CNTN5: variants seen among roughly 807,000 people sequenced by gnomAD.
CNTN5 encodes contactin-5.
Under a neutral mutation model 129.1 loss-of-function variants are expected in CNTN5, and 77 were observed. The ratio of observed to expected loss-of-function variants is 0.60; its 90% confidence interval spans 0.50 to 0.72. The LOEUF (loss-of-function observed/expected upper bound fraction) is 0.72. Among genes scored for constraint, CNTN5 ranks in the 30% least tolerant of loss-of-function variants. The probability of loss-of-function intolerance (pLI) is 0.00; values close to 1 mark genes in which losing one functional copy is unlikely to be tolerated. For synonymous variants in CNTN5, 509 were observed against 465.6 expected (o/e 1.09, Z -1.20); for missense variants, 1,478 against 1,328.8 (o/e 1.11, Z -1.75).
At chr11:99,641,727 A>T (rs1414135624) in intron 3 of CNTN5, among the ~76,000 whole-genome samples, 1 of 152,192 alleles carries the variant, frequency 6.6e-6, no homozygotes, top group East Asian at 1.9e-4. Flanking sequence ...GAGAGGTGGA[A>T]CCAAACCTCA....
At chr11:99,247,181 A>G (rs1350109833) in intron 1 of CNTN5, among the ~76,000 whole-genome samples, 1 of 152,118 alleles carries the variant, frequency 6.6e-6, no homozygotes, top group Non-Finnish European at 1.5e-5. Flanking sequence ...TATTACAATG[A>G]ATGTTAAGAG....
intron 13 of CNTN5, among the ~76,000 whole-genome samples, chr11:100,075,097 G>C (rs1223274275): frequency 1.3e-5 from 2 of 152,034 alleles, no homozygotes; most frequent in African/African-American, 4.8e-5. Flanking sequence ...TTTTATGTTT[G>C]TCCCAATCTA....
intron 2 of CNTN5, among the ~76,000 whole-genome samples, chr11:99,481,673 C>T (rs543934507): frequency 6.6e-6 from 1 of 152,212 alleles, no homozygotes; most frequent in Admixed American, 6.5e-5. Flanking sequence ...TCAAGCTCCC[C>T]CGTGATTTCC....
rs1953523010 is a variant in CNTN5, at chr11:99,680,909, A to T, written c.55+124640A>T. 2.0e-5 allele frequency among the ~76,000 whole-genome samples: 3 copies of T among 152,100 alleles called. No individual in the cohort carries two copies. In the South Asian group the frequency reaches 6.2e-4, roughly 32 times the overall value. ...TTTTGATAAGGATTCACCACTCTAGATGCCATTAAGAACATTCAAGATTCA... is the reference window on the plus strand; with the variant it reads ...TTTTGATAAGGATTCACCACTCTAGTTGCCATTAAGAACATTCAAGATTCA... On this transcript the variant is annotated intron_variant, in intron 3 of 24. Transcript: ENST00000524871.
chr11:99,274,060 C>T (rs1173815641), intron 1 of CNTN5, among the ~76,000 whole-genome samples: 1 of 151,722 alleles, frequency 6.6e-6, no homozygotes, highest in Non-Finnish European at 1.5e-5. Context: ...ACTAACCATA[C>T]TTCAAGTGCT....
chr11:100,144,438 C>T (rs1004014356), intron 13 of CNTN5, among the ~76,000 whole-genome samples: 1 of 152,102 alleles, frequency 6.6e-6, no homozygotes, highest in Non-Finnish European at 1.5e-5. Context: ...TGTGTACCCA[C>T]TCTTTTGCTC....
intron 1 of CNTN5, among the ~76,000 whole-genome samples, chr11:99,142,392 G>A (rs1859565503): frequency 6.6e-6 from 1 of 152,118 alleles, no homozygotes; most frequent in African/African-American, 2.4e-5. Context: ...AGCAGCAGGG[G>A]GAATCTGCAG....
chr11:99,535,290 G>T (rs1009995547), intron 2 of CNTN5, among the ~76,000 whole-genome samples: 1 of 152,158 alleles, frequency 6.6e-6, no homozygotes, highest in African/African-American at 2.4e-5. Context: ...TGGAATGATG[G>T]ACTAATACAT....
At chr11:99,903,771 T>G (rs562502314) in intron 6 of CNTN5, among the ~76,000 whole-genome samples, 1 of 152,216 alleles carries the variant, frequency 6.6e-6, no homozygotes, top group Non-Finnish European at 1.5e-5. Flanking sequence ...ACTATTCATC[T>G]GACAAAGGAT....
At chr11:99,339,955 T>G (rs2136052142) in intron 2 of CNTN5, among the ~76,000 whole-genome samples, 1 of 152,200 alleles carries the variant, frequency 6.6e-6, no homozygotes, top group South Asian at 2.1e-4. Flanking sequence ...TGGACTTTGG[T>G]TTTCACCCTC....
At chr11:99,198,383 G>A (rs1165887390) in intron 1 of CNTN5, among the ~76,000 whole-genome samples, 4 of 152,100 alleles carry the variant, frequency 2.6e-5, no homozygotes, top group Non-Finnish European at 5.9e-5. Context: ...TTGCAGTACT[G>A]TGACCCTAAG....
intron 3 of CNTN5, among the ~76,000 whole-genome samples, chr11:99,673,692 C>T (rs1953146987): frequency 6.6e-6 from 1 of 151,898 alleles, no homozygotes; most frequent in South Asian, 2.1e-4. Flanking sequence ...TGAGAACATG[C>T]CATATTTGGT....
intron 16 of CNTN5, among the ~76,000 whole-genome samples, chr11:100,225,667 A>G (rs890232175): frequency 6.6e-6 from 1 of 152,124 alleles, no homozygotes; most frequent in African/African-American, 2.4e-5. Context: ...CCAGAACATT[A>G]CCAAGATCCC....
At chr11:100,319,914 A>G (rs1951652558) in intron 21 of CNTN5, among the ~76,000 whole-genome samples, 2 of 152,144 alleles carry the variant, frequency 1.3e-5, no homozygotes, top group Admixed American at 1.3e-4. Flanking sequence ...TGGTGAATAG[A>G]ATTTCGCTGT....
chr11:100,016,926 T>C (rs1369193601), intron 9 of CNTN5, among the ~76,000 whole-genome samples: 1 of 151,762 alleles, frequency 6.6e-6, no homozygotes, highest in Non-Finnish European at 1.5e-5. Flanking sequence ...CAAAGCTTTA[T>C]AAGGATGATT....
At chr11:99,984,717 A>G (rs992307518) in intron 8 of CNTN5, among the ~76,000 whole-genome samples, 1 of 152,232 alleles carries the variant, frequency 6.6e-6, no homozygotes, top group Non-Finnish European at 1.5e-5. Flanking sequence ...TACATTTAGA[A>G]TACAGCATAT....
chr11:99,956,681 T>C (rs1950810490), intron 7 of CNTN5, 125 bp from the exon 8 acceptor site: 2 of 640,614 alleles, frequency 3.1e-6, no homozygotes, highest in Non-Finnish European at 5.5e-6. Flanking sequence ...ATTATATAGA[T>C]ACATGGATCA....
chr11:99,583,658 G>A (rs1949693710), intron 3 of CNTN5, among the ~76,000 whole-genome samples: 1 of 152,216 alleles, frequency 6.6e-6, no homozygotes, highest in Non-Finnish European at 1.5e-5. Flanking sequence ...TGTGCCGTTT[G>A]TTAAGCCCGT....
chr11:100,018,078 C>A lies in CNTN5; in HGVS notation c.980+15942C>A, dbSNP rs554304389. 1.8e-4 allele frequency among the ~76,000 whole-genome samples: 27 copies of A among 151,912 alleles called. No individual in the cohort carries two copies. In the South Asian group the frequency reaches 5.4e-3, roughly 30 times the overall value. On this transcript the variant is annotated intron_variant, in intron 9 of 24. Coordinates refer to ENST00000524871, the MANE Select transcript of CNTN5 (RefSeq NM_014361.4). ...GTAGAGAAAACACAATATATTAAGTCAAAAGTACAATTAAGTAAATTAACT... is the reference window on the plus strand; with the variant it reads ...GTAGAGAAAACACAATATATTAAGTAAAAAGTACAATTAAGTAAATTAACT...
Sources: allele counts gnomAD v4.1 joint callset (sites outside exome capture counted in the v4.1 genomes callset), GRCh38; gene constraint gnomAD v4.1.1; transcripts MANE v1.5; gene names NCBI Gene and HGNC (gene_info 2026-07-23, HGNC 2026-07-21).